The following NXPE3 variants were observed in gnomAD, a reference collection of about 807,000 sequenced individuals.
NXPE3 encodes the protein NXPE family member 3.
A neutral mutation model predicts 46.1 loss-of-function variants in NXPE3; 26 were observed. The observed-to-expected ratio is 0.56, with a 90% CI of 0.41 to 0.78. NXPE3 has a LOEUF of 0.78. NXPE3 is among the 30% of genes least tolerant of loss of function. NXPE3 has a pLI of 0.00. For synonymous variants in NXPE3, 272 were observed against 257.9 expected, an observed-to-expected ratio of 1.05 and a Z score of -0.52; for missense variants, 620 against 686.0, an observed-to-expected ratio of 0.90 and a Z score of 1.07.
Position 101,821,708 on chromosome 3 carries a change from G to T in NXPE3, c.1434G>T (p.Val478=), listed in dbSNP as rs1239018647. The T allele has an allele frequency of 3.7e-6, 6 of 1,614,128 alleles. No individual in the cohort carries two copies. The highest frequency in any genetic ancestry group is 2.2e-5 in the South Asian group (2 of 91,088). ...TCCTCGATCGAAGCCCAAAGACCGT[G>T]GTGGTCATCCGGACGGCCAACGCCC... ...VRLLDRSPKT[V]VVIRTANAQE... Residue 478 remains valine (V), a synonymous_variant, in exon 8 of 8, where the codon GTG becomes GTT. Transcript: ENST00000273347.
chr3:101,809,130 C>T (rs930157255), intron 6 of NXPE3, among the ~76,000 whole-genome samples: 1 of 151,842 alleles, frequency 6.6e-6, no homozygotes, highest in African/African-American at 2.4e-5. Flanking sequence ...CAGGAAGTGG[C>T]TGTGGGTTTA....
chr3:101,818,664 G>T (rs142528963), intron 7 of NXPE3, among the ~76,000 whole-genome samples: 84 of 128,402 alleles, frequency 6.5e-4, no homozygotes, highest in African/African-American at 2.4e-3. Flanking sequence ...ACCTGGAAAT[G>T]CAAGGAGAAA....
At chr3:101,791,486 A>C (rs1199905295) in intron 4 of NXPE3, among the ~76,000 whole-genome samples, 1 of 152,172 alleles carries the variant, frequency 6.6e-6, no homozygotes. Context: ...CCCAGGTTCA[A>C]GTTATTCTCC....
chr3:101,792,466 C>A (rs943023892), intron 4 of NXPE3, among the ~76,000 whole-genome samples: 2 of 152,160 alleles, frequency 1.3e-5, no homozygotes, highest in East Asian at 3.8e-4. Flanking sequence ...GGTCCAGTTT[C>A]AATTTTTTGC....
intron 5 of NXPE3, among the ~76,000 whole-genome samples, chr3:101,806,437 T>A (rs1016615195): frequency 2.6e-5 from 4 of 152,182 alleles, no homozygotes. Flanking sequence ...GGGCCTGTGC[T>A]AGGATACAAA....
chr3:101,805,220 T>A (rs181355032), intron 5 of NXPE3, among the ~76,000 whole-genome samples: 1 of 152,204 alleles, frequency 6.6e-6, no homozygotes, highest in Non-Finnish European at 1.5e-5. Context: ...ATCATTGTTA[T>A]AGTACTGTTA....
intron 4 of NXPE3, among the ~76,000 whole-genome samples, chr3:101,786,082 A>G (rs1484704828): frequency 6.6e-6 from 1 of 152,218 alleles, no homozygotes; most frequent in Non-Finnish European, 1.5e-5. Flanking sequence ...CAGTCAACCC[A>G]TGGAAAAAAG....
intron 5 of NXPE3, among the ~76,000 whole-genome samples, chr3:101,806,783 G>A (rs1941438205): frequency 6.6e-6 from 1 of 152,184 alleles, no homozygotes. Context: ...ATTCAAACCA[G>A]AATTGGTCAT....
In NXPE3 at chr3:101,821,800, T is replaced by C; in HGVS notation, c.1526T>C (p.Leu509Pro). ...DWYNFQLDTI[L>P]RRMFSGVGVY... ...TACAACTTTCAGCTGGACACCATCC[T>C]TCGGAGGATGTTCTCAGGGGTTGGA... The change falls in exon 8 of 8, where the codon CTT becomes CCT. Residue 509 changes from leucine (L) to proline (P), a missense_variant. Transcript: ENST00000273347. 6.2e-7 allele frequency: 1 copy of C among 1,614,178 alleles called. No homozygotes were observed. Among genetic ancestry groups the C allele is most frequent in the Non-Finnish European group, 8.5e-7 (1 of 1,180,024 alleles).
chr3:101,794,545 A>G (rs975350549), intron 4 of NXPE3, among the ~76,000 whole-genome samples: 1 of 152,182 alleles, frequency 6.6e-6, no homozygotes, highest in Non-Finnish European at 1.5e-5. Context: ...GGATTTCTAG[A>G]TGGAGTAGGA....
In NXPE3 at chr3:101,823,436, T is replaced by C. The variant is rs1227030708; in HGVS notation, c.*1482T>C. 6.6e-6 allele frequency: 1 copy of C among 152,160 alleles called. No homozygotes were observed. Among genetic ancestry groups the C allele is most frequent in the Non-Finnish European group, 1.5e-5 (1 of 68,034 alleles). The allele number at this position is 152,160 out of a possible 1,614,324, so 9.4% of individuals were successfully genotyped here. ...TTTAATTTTAATGGTCCTTACGCTTTACAGTACCTAAGGATCACTTGTAGT... is the reference window on the plus strand; with the variant it reads ...TTTAATTTTAATGGTCCTTACGCTTCACAGTACCTAAGGATCACTTGTAGT... On this transcript the variant is annotated 3_prime_UTR_variant, in exon 8 of 8. Transcript: ENST00000273347.
intron 6 of NXPE3, among the ~76,000 whole-genome samples, chr3:101,808,854 T>TATATACATATATACATATATATATAC (rs770360739): frequency 1.0e-5 from 1 of 100,348 alleles, no homozygotes; most frequent in Non-Finnish European, 2.1e-5. Context: ...TATATATATA[T>TATATACATATATACATATATATATAC]ATGAGACATT....
chr3:101,817,799 G>T (rs571240415), intron 7 of NXPE3, among the ~76,000 whole-genome samples: 1 of 152,172 alleles, frequency 6.6e-6, no homozygotes, highest in Non-Finnish European at 1.5e-5. Flanking sequence ...CCATGTGTGG[G>T]CAAGGCTTTT....
At chr3:101,815,099 C>T (rs1032899372) in intron 6 of NXPE3, among the ~76,000 whole-genome samples, 18 of 152,288 alleles carry the variant, frequency 1.2e-4, no homozygotes, top group African/African-American at 3.4e-4. Context: ...AAGCATGTAA[C>T]GTGTGGCATT....
At chr3:101,803,251 T>A (rs143713012) in intron 5 of NXPE3, among the ~76,000 whole-genome samples, 7 of 152,264 alleles carry the variant, frequency 4.6e-5, no homozygotes, top group African/African-American at 1.7e-4. Flanking sequence ...AAGTATGTGG[T>A]TTGTAGGAGC....
At chr3:101,790,020 T>C (rs1405618268) in intron 4 of NXPE3, among the ~76,000 whole-genome samples, 4 of 152,244 alleles carry the variant, frequency 2.6e-5, no homozygotes, top group Non-Finnish European at 5.9e-5. Flanking sequence ...GTTATTTAAC[T>C]TTCAAATATT....
At position 101,779,282 on chromosome 3, in the gene NXPE3, GA is replaced by G. The variant is rs1939666345; in HGVS notation, c.-539del. 6.6e-6 allele frequency: 1 copy of G among 152,432 alleles called. No homozygotes were observed. Among genetic ancestry groups the G allele is most frequent in the Non-Finnish European group, 1.5e-5 (1 of 68,196 alleles). The allele number at this position is 152,432 out of a possible 1,614,324, so 9.4% of individuals were successfully genotyped here. On this transcript the variant is annotated 5_prime_UTR_variant, in exon 1 of 8. Coordinates refer to ENST00000273347, the MANE Select transcript of NXPE3 (RefSeq NM_145037.4). ...CTGCGGCGACCGACCGGGGCGTCAG[GA>G]TCCCTGGCCCCCGGAGAGCGAAGGG... is the stretch of plus-strand genomic sequence containing the variant.
At position 101,821,642 on chromosome 3, in the gene NXPE3, C is replaced by T. The variant is rs1367565426; in HGVS notation, c.1368C>T (p.Tyr456=). The T allele has an allele frequency of 6.2e-6, 10 of 1,614,230 alleles. No homozygotes were observed. Among genetic ancestry groups the T allele is most frequent in the Middle Eastern group, 1.6e-4 (1 of 6,062 alleles). Reference sequence around the variant, plus strand: ...TCAGCACCTTCCCTTTGGAAGTGTACATCCGGCGGCTCAGGAACATCCGTC... The same window carrying T: ...TCAGCACCTTCCCTTTGGAAGTGTATATCCGGCGGCTCAGGAACATCCGTC... ...SHFSTFPLEV[Y]IRRLRNIRRA... Residue 456 remains tyrosine, a synonymous_variant, in exon 8 of 8, where the codon TAC becomes TAT. Coordinates refer to ENST00000273347, the MANE Select transcript of NXPE3 (RefSeq NM_145037.4).
chr3:101,781,412 G>A (rs1389876474), intron 1 of NXPE3, among the ~76,000 whole-genome samples: 2 of 152,186 alleles, frequency 1.3e-5, no homozygotes, highest in Non-Finnish European at 2.9e-5. Context: ...AATTCCAAAT[G>A]ATGTAAGTGA....
Sources: allele counts gnomAD v4.1 joint callset (sites outside exome capture counted in the v4.1 genomes callset), GRCh38; gene constraint gnomAD v4.1.1; transcripts MANE v1.5; gene names NCBI Gene and HGNC (gene_info 2026-07-23, HGNC 2026-07-21).